The following SLC22A15 variants were observed in gnomAD, a reference collection of about 807,000 sequenced individuals.
The protein encoded by SLC22A15 is flipt 1.
Under a neutral mutation model 62.7 loss-of-function variants are expected in SLC22A15, and 45 were observed. The ratio of observed to expected loss-of-function variants is 0.72; its 90% CI spans 0.56 to 0.92. The LOEUF (loss-of-function observed/expected upper bound fraction) is 0.92. SLC22A15 is among the 40% of genes least tolerant of loss of function. SLC22A15 has a pLI of 0.00. For synonymous variants in SLC22A15, 264 were observed against 267.0 expected, an observed-to-expected ratio of 0.99 and a Z score of 0.11; for missense variants, 622 against 665.6, an observed-to-expected ratio of 0.93 and a Z score of 0.72.
chr1:115,976,674 A>T lies in SLC22A15; in HGVS notation c.47A>T (p.Tyr16Phe). 1 of 1,586,856 alleles carries T rather than the reference A, an allele frequency of 6.3e-7. No individual in the cohort carries two copies. Among genetic ancestry groups the T allele is most frequent in the Non-Finnish European group, 8.6e-7 (1 of 1,168,242 alleles). Reference sequence around the variant, plus strand: ...CAGGCGGTGGGGGAGATGGGCATCTACCAGATGTACTTGTGCTTCCTGCTG... The same window carrying T: ...CAGGCGGTGGGGGAGATGGGCATCTTCCAGATGTACTTGTGCTTCCTGCTG... ...AFQAVGEMGIYQMYLCFLLAV... is the reference protein window; with the variant it reads ...AFQAVGEMGIFQMYLCFLLAV... The change falls in exon 1 of 12, where the codon TAC (tyrosine) becomes TTC (phenylalanine). Residue 16 changes from tyrosine to phenylalanine, a missense_variant. By Grantham distance (22) the Tyr-to-Phe change is conservative (BLOSUM62 3). Transcript: ENST00000369503.
At chr1:116,038,696 G>A (rs1657696852) in intron 8 of SLC22A15, among the ~76,000 whole-genome samples, 1 of 152,160 alleles carries the variant, frequency 6.6e-6, no homozygotes, top group African/African-American at 2.4e-5. Flanking sequence ...TTTGTCTTCT[G>A]GTAAGACTGT....
intron 1 of SLC22A15, among the ~76,000 whole-genome samples, chr1:115,982,616 G>A (rs751967644): frequency 6.6e-6 from 1 of 152,002 alleles, no homozygotes; most frequent in Non-Finnish European, 1.5e-5. Context: ...ACAAACCCAC[G>A]CAGCCCATGG....
chr1:116,000,625 C>CTTTTTTTTTT (rs56303802), intron 2 of SLC22A15, among the ~76,000 whole-genome samples: 38 of 88,218 alleles, frequency 4.3e-4, no homozygotes, highest in East Asian at 1.5e-3. Flanking sequence ...CTTTTTTTTC[C>CTTTTTTTTTT]TTTTTTTTTT....
intron 10 of SLC22A15, among the ~76,000 whole-genome samples, chr1:116,065,684 A>G (rs577388550): frequency 6.6e-6 from 1 of 151,868 alleles, no homozygotes; most frequent in East Asian, 2.0e-4. Context: ...CTTCTCCATC[A>G]TCTCTTCACT....
In SLC22A15 at chr1:116,028,116, G is replaced by A. The variant is rs80201181; in HGVS notation, c.728+1094G>A. Among the ~76,000 whole-genome samples, 94 of 152,154 alleles carry A rather than the reference G, an allele frequency of 6.2e-4. 1 individual carries two copies. The East Asian group carries it at 0.015, about 24-fold the overall frequency. ...TCTTTAATTTATTTACTCTTTATCC[G>A]GGGTCTAAATTGAGATTTGGTGGGG... is the stretch of plus-strand genomic sequence containing the variant. On this transcript the variant is annotated intron_variant, in intron 5 of 11. Coordinates refer to ENST00000369503, the MANE Select transcript of SLC22A15 (RefSeq NM_018420.3).
At chr1:115,979,988 T>A (rs537117741) in intron 1 of SLC22A15, among the ~76,000 whole-genome samples, 1 of 150,168 alleles carries the variant, frequency 6.7e-6, no homozygotes, top group Admixed American at 6.7e-5. Context: ...ATATATATAT[T>A]AAGTATATAT....
chr1:116,034,202 G>A (rs938185047), intron 6 of SLC22A15, among the ~76,000 whole-genome samples: 4 of 152,194 alleles, frequency 2.6e-5, no homozygotes, highest in Non-Finnish European at 5.9e-5. Context: ...TTTACTGCTT[G>A]TATAGAAATT....
chr1:116,015,297 G>A (rs17035102), intron 2 of SLC22A15: 5,889 of 152,162 alleles, frequency 0.039, 133 homozygotes, highest in African/African-American at 0.052. Context: ...TTTTCTGTCA[G>A]TTCCTGCATG....
At chr1:116,056,064 T>G (rs80213658) in intron 8 of SLC22A15, among the ~76,000 whole-genome samples, 118,529 of 122,982 alleles carry the variant, frequency 0.96, 57,464 homozygotes, top group East Asian at 1. Context: ...AGGGCAATTA[T>G]GCAGGAGAAG....
At chr1:116,007,468 G>C (rs1656040002) in intron 2 of SLC22A15, among the ~76,000 whole-genome samples, 1 of 152,200 alleles carries the variant, frequency 6.6e-6, no homozygotes, top group African/African-American at 2.4e-5. Flanking sequence ...TGGCATCACT[G>C]ACCCACACAA....
chr1:116,058,282 C>T (rs1295492814), intron 8 of SLC22A15, among the ~76,000 whole-genome samples: 3 of 151,960 alleles, frequency 2.0e-5, no homozygotes, highest in Non-Finnish European at 4.4e-5. Flanking sequence ...GAAAAACAAA[C>T]AATCCCATCA....
At position 116,067,197 on chromosome 1, in the gene SLC22A15, A is replaced by G; in HGVS notation, c.*89A>G. Reference sequence around the variant, plus strand: ...CTTCCATGACTCCTAAGAGAGTTGTAAAAATAGAGGCTTGGCTTGAATGTA... The same window carrying G: ...CTTCCATGACTCCTAAGAGAGTTGTGAAAATAGAGGCTTGGCTTGAATGTA... On this transcript the variant is annotated 3_prime_UTR_variant, in exon 12 of 12. Transcript: ENST00000369503. The G allele has an allele frequency of 4.1e-6, 4 of 987,506 alleles. No homozygotes were observed. Among genetic ancestry groups the G allele is most frequent in the Non-Finnish European group, 6.3e-6 (4 of 639,228 alleles). 61.2% of individuals were successfully genotyped at this position (987,506 alleles called of 1,614,324 possible). A position where few individuals can be genotyped will look rare whatever the true frequency, so the allele number is the denominator to read the frequency against.
rs1557912163 is a variant in SLC22A15, at chr1:116,066,640, C to G, written c.1486C>G (p.Leu496Val). ...TCCGCTGCTAGAAACATTCTCCGAC[C>G]TTCAGGTGTATTCGTATCGCAGGCT... ...NSPLLETFSD[L>V]QVYSYRRLGE... Residue 496 changes from leucine (L) to valine (V), a missense_variant, in exon 11 of 12, where the codon CTT becomes GTT. Physicochemically the swap from Leu to Val is conservative, Grantham distance 32. Coordinates refer to ENST00000369503, the MANE Select transcript of SLC22A15 (RefSeq NM_018420.3). 1 of 1,612,590 alleles carries G rather than the reference C, an allele frequency of 6.2e-7. No individual in the cohort carries two copies.
Position 116,031,536 on chromosome 1 carries a change from G to C in SLC22A15, c.899G>C (p.Arg300Pro). The stretch of plus-strand genomic sequence containing the variant: ...ACTGGAAGTTTCCTGGATCTCTTTC[G>C]TTACCGGGTCCTGTTAGGACACACT... ...RETGSFLDLF[R>P]YRVLLGHTLI... Residue 300 changes from arginine to proline, a missense_variant, in exon 6 of 12, where the codon CGT (arginine) becomes CCT (proline). Arg to Pro is a moderately radical substitution (Grantham distance 103). Coordinates refer to ENST00000369503, the MANE Select transcript of SLC22A15 (RefSeq NM_018420.3). The C allele has an allele frequency of 6.2e-7, 1 of 1,613,922 alleles. No individual in the cohort carries two copies.
chr1:116,066,279 A>G (rs1570779415), intron 10 of SLC22A15, among the ~76,000 whole-genome samples: 1 of 152,158 alleles, frequency 6.6e-6, no homozygotes, highest in South Asian at 2.1e-4. Flanking sequence ...TGCTGCTTCT[A>G]ATGTACAGAC....
intron 8 of SLC22A15, among the ~76,000 whole-genome samples, chr1:116,038,211 G>T (rs1657683487): frequency 6.6e-6 from 1 of 152,114 alleles, no homozygotes; most frequent in African/African-American, 2.4e-5. Flanking sequence ...TTTTGATAGG[G>T]TTCTGTTATG....
At chr1:116,037,911 A>G (rs1233158094) in intron 8 of SLC22A15, among the ~76,000 whole-genome samples, 1 of 152,254 alleles carries the variant, frequency 6.6e-6, no homozygotes, top group Admixed American at 6.5e-5. Flanking sequence ...GAAAACACCT[A>G]GTTAGGAAAC....
chr1:116,022,687 G>A (rs773947156), intron 4 of SLC22A15, among the ~76,000 whole-genome samples: 3 of 152,188 alleles, frequency 2.0e-5, no homozygotes, highest in Non-Finnish European at 4.4e-5. Flanking sequence ...TCCCCTTGGA[G>A]TGTTTTGACC....
chr1:116,004,412 A>G (rs1212838139), intron 2 of SLC22A15, among the ~76,000 whole-genome samples: 2 of 152,122 alleles, frequency 1.3e-5, no homozygotes, highest in Non-Finnish European at 2.9e-5. Flanking sequence ...TTTATTATGA[A>G]TGTATATTGA....
Sources: gnomAD v4.1 joint callset for allele counts (sites outside exome capture counted in the v4.1 genomes callset) on GRCh38, gnomAD v4.1.1 for gene constraint, MANE v1.5 for transcripts, NCBI Gene and HGNC (gene_info 2026-07-23, HGNC 2026-07-21) for gene names.